Variants in STING1 observed in about 807,000 individuals in gnomAD.
STING1 encodes the protein stimulator of interferon genes protein.
A neutral mutation model predicts 31.6 loss-of-function variants in STING1; 19 were observed. The ratio of observed to expected loss-of-function variants is 0.60; its 90% CI spans 0.42 to 0.88. The LOEUF is 0.88. Among genes scored for constraint, STING1 ranks in the 40% least tolerant of loss-of-function variants. STING1 has a pLI of 0.00. For synonymous variants in STING1, 200 were observed against 208.6 expected (o/e 0.96, Z 0.35); for missense variants, 371 against 483.7 (o/e 0.77, Z 2.19).
intron 5 of STING1, among the ~76,000 whole-genome samples, chr5:139,479,532 T>C (rs1751772501): frequency 6.6e-6 from 1 of 151,174 alleles, no homozygotes; most frequent in African/African-American, 2.4e-5. Flanking sequence ...TGAAACCCCG[T>C]CTGTACTGAA....
At chr5:139,478,565 A>G in intron 5 of STING1, 57 bp from the exon 6 acceptor site, 1 of 1,493,258 alleles carries the variant, frequency 6.7e-7, no homozygotes, top group Admixed American at 1.7e-5. Context: ...CACCTGATTC[A>G]GGAGTGAGAC....
rs767642732 is a variant in STING1, at chr5:139,476,232, T to G, written c.*29A>C. ...CCCAGTCCAGAGGCTTGGAGACCAC[T>G]GGAGGCTCTGGCCTGGTGACCCTGG... On this transcript the variant is annotated 3_prime_UTR_variant, in exon 8 of 8. Transcript: ENST00000330794. The G allele has an allele frequency of 4.6e-5, 71 of 1,538,770 alleles. No individual in the cohort carries two copies. Among genetic ancestry groups the G allele is most frequent in the Non-Finnish European group, 6.2e-5 (70 of 1,137,036 alleles).
Position 139,476,435 on chromosome 5 carries a change from G to T in STING1, c.966C>A (p.Ser322Arg). ...GGAGAACCTCCTGGGACAGCGAGAAGCTGCTGTCATCTGCAGGTTCTGGAA... is the reference window on the plus strand; with the variant it reads ...GGAGAACCTCCTGGGACAGCGAGAATCTGCTGTCATCTGCAGGTTCTGGAA... ...IAYQEPADDS[S>R]FSLSQEVLRH... The change falls in exon 8 of 8, where the codon AGC becomes AGA. Residue 322 changes from serine to arginine, a missense_variant. Ser to Arg is a moderately radical substitution (Grantham distance 110). Coordinates refer to ENST00000330794, the MANE Select transcript of STING1 (RefSeq NM_198282.4). 1 of 1,612,310 alleles carries T rather than the reference G, an allele frequency of 6.2e-7. No individual in the cohort carries two copies. Among genetic ancestry groups the T allele is most frequent in the Non-Finnish European group, 8.5e-7 (1 of 1,179,942 alleles).
chr5:139,478,274 T>C lies in STING1; in HGVS notation c.755A>G (p.Gln252Arg). The C allele has an allele frequency of 1.2e-6, 2 of 1,612,508 alleles. No individual in the cohort carries two copies. The highest frequency in any genetic ancestry group is 2.2e-5 in the East Asian group (1 of 44,846). ...NSIYELLENG[Q>R]RAGTCVLEYA... ...CCCACTCCCCTGCACACTTACCCGC[T>C]GCCCGTTCTCCAGAAGCTCATAGAT... The change falls in exon 6 of 8, where the codon CAG (glutamine) becomes CGG (arginine). Residue 252 changes from glutamine to arginine, a missense_variant. Coordinates refer to ENST00000330794, the MANE Select transcript of STING1 (RefSeq NM_198282.4).
chr5:139,478,464 G>C lies in STING1; in HGVS notation c.565C>G (p.Leu189Val). 1 of 1,614,198 alleles carries C rather than the reference G, an allele frequency of 6.2e-7. No homozygotes were observed. Among genetic ancestry groups the C allele is most frequent in the Non-Finnish European group, 8.5e-7 (1 of 1,180,040 alleles). ...CGCTGGCTCACTGCACCCCGTAGCA[G>C]GTTGTTGTAATGCTGATTGTAAGTT... ...IRTYNQHYNN[L>V]LRGAVSQRLY... Residue 189 changes from leucine (L) to valine (V), a missense_variant, in exon 6 of 8, where the codon CTG (leucine) becomes GTG (valine). Coordinates refer to ENST00000330794, the MANE Select transcript of STING1 (RefSeq NM_198282.4).
chr5:139,477,410 T>C lies in STING1; in HGVS notation c.865A>G (p.Lys289Glu). 1 of 1,614,202 alleles carries C rather than the reference T, an allele frequency of 6.2e-7. No homozygotes were observed. Among genetic ancestry groups the C allele is most frequent in the Non-Finnish European group, 8.5e-7 (1 of 1,180,028 alleles). ...FSREDRLEQA[K>E]LFCRTLEDIL... Reference sequence around the variant, plus strand: ...TCCTCAAGTGTCCGGCAGAAGAGTTTGGCCTGCTCAAGCCTATCCTCCCGG... The same window carrying C: ...TCCTCAAGTGTCCGGCAGAAGAGTTCGGCCTGCTCAAGCCTATCCTCCCGG... The change falls in exon 7 of 8, where the codon AAA (lysine) becomes GAA (glutamate). Residue 289 changes from lysine to glutamate, a missense_variant. Lys to Glu is a moderately conservative substitution (Grantham distance 56, BLOSUM62 1). Transcript: ENST00000330794.
Position 139,476,398 on chromosome 5 carries a change from G to T in STING1, c.1003C>A (p.Gln335Lys), listed in dbSNP as rs1254726825. The change falls in exon 8 of 8, where the codon CAG becomes AAG. Residue 335 changes from glutamine to lysine, a missense_variant. Coordinates refer to ENST00000330794, the MANE Select transcript of STING1 (RefSeq NM_198282.4). ...LSQEVLRHLR[Q>K]EEKEEVTVGS... ...ACAGTAACCTCTTCCTTTTCCTCCT[G>T]CCGCAGGTGCCGGAGAACCTCCTGG... 2 of 1,612,586 alleles carry T rather than the reference G, an allele frequency of 1.2e-6. No individual in the cohort carries two copies. Among genetic ancestry groups the T allele is most frequent in the Admixed American group, 3.3e-5 (2 of 60,022 alleles).
At position 139,480,815 on chromosome 5, in the gene STING1, GATGTAATATGACC is replaced by G; in HGVS notation, c.482_494del (p.Trp161SerfsTer6). 6.2e-7 allele frequency: 1 copy of G among 1,613,644 alleles called. No individual in the cohort carries two copies. Among genetic ancestry groups the G allele is most frequent in the Non-Finnish European group, 8.5e-7 (1 of 1,179,560 alleles). ...CTGGCAGGATCAGCCGCAGATATCCGATGTAATATGACCATGCCAGCCCATGGGCCACGTTGAA... is the reference window on the plus strand; with the variant it reads ...CTGGCAGGATCAGCCGCAGATATCCGATGCCAGCCCATGGGCCACGTTGAA... On this transcript the variant is annotated frameshift_variant, in exon 5 of 8. Transcript: ENST00000330794. LOFTEE classifies it high-confidence loss of function.
rs1751725303 is a variant in STING1 at position 139,478,344 on chromosome 5, T to C, written c.685A>G (p.Thr229Ala). ...TCCTTGATGCCAGCATGGTCACCGG[T>C]CTGCTGGGGCAGTTTATCCAGGAAG... ...IRFLDKLPQQ[T>A]GDHAGIKDRV... The change falls in exon 6 of 8, where the codon ACC (threonine) becomes GCC (alanine). Residue 229 changes from threonine to alanine, a missense_variant. Transcript: ENST00000330794. The C allele has an allele frequency of 1.9e-6, 3 of 1,614,050 alleles. No homozygotes were observed. Among genetic ancestry groups the C allele is most frequent in the African/African-American group, 1.3e-5 (1 of 74,912 alleles).
chr5:139,479,523 G>T (rs1751772126), intron 5 of STING1, among the ~76,000 whole-genome samples: 1 of 151,544 alleles, frequency 6.6e-6, no homozygotes, highest in Non-Finnish European at 1.5e-5. Context: ...CCAACATGGT[G>T]AAACCCCGTC....
At chr5:139,477,548 C>T in intron 6 of STING1, 33 bp from the exon 7 acceptor site, 1 of 1,601,540 alleles carries the variant, frequency 6.2e-7, no homozygotes, top group Non-Finnish European at 8.5e-7. Flanking sequence ...CAGACTAAGC[C>T]AGGGGCCAGG....
chr5:139,479,699 C>G lies in STING1; in HGVS notation c.520+1091G>C, dbSNP rs1241812412. On this transcript the variant is annotated intron_variant, in intron 5 of 7. Transcript: ENST00000330794. ...CCCGGGTGAAAAAGTGAAACTCCAT[C>G]TTAAAAAAAAAAAAAAATCTAAGGC... 4.1e-5 allele frequency among the ~76,000 whole-genome samples: 6 copies of G among 145,130 alleles called. No homozygotes were observed. The South Asian group carries it at 1.3e-3, about 31-fold the overall frequency.
In STING1 at chr5:139,478,435, CA is replaced by C; in HGVS notation, c.593del (p.Leu198ArgfsTer15). The C allele has an allele frequency of 6.2e-7, 1 of 1,614,226 alleles. No homozygotes were observed. Among genetic ancestry groups the C allele is most frequent in the East Asian group, 2.2e-5 (1 of 44,884 alleles). On this transcript the variant is annotated frameshift_variant, in exon 6 of 8. Transcript: ENST00000330794. LOFTEE classifies it high-confidence loss of function. ...CACAGTCCAATGGGAGGAGAATATA[CA>C]GCCGCTGGCTCACTGCACCCCGTAG... ...NLLRGAVSQR[L>X]YILLPLDCGV...
At chr5:139,477,831 C>G (rs940001473) in intron 6 of STING1, among the ~76,000 whole-genome samples, 25 of 152,228 alleles carry the variant, frequency 1.6e-4, no homozygotes, top group Admixed American at 5.2e-4. Context: ...GGGCTAGGCT[C>G]TGGGTTCAAC....
chr5:139,478,451 G>A lies in STING1; in HGVS notation c.578C>T (p.Ala193Val). The A allele has an allele frequency of 6.2e-7, 1 of 1,614,172 alleles. No individual in the cohort carries two copies. Among genetic ancestry groups the A allele is most frequent in the South Asian group, 1.1e-5 (1 of 91,082 alleles). The change falls in exon 6 of 8, where the codon GCA becomes GTA. Residue 193 changes from alanine to valine, a missense_variant. Transcript: ENST00000330794. ...GAGAATATACAGCCGCTGGCTCACTGCACCCCGTAGCAGGTTGTTGTAATG... is the reference window on the plus strand; with the variant it reads ...GAGAATATACAGCCGCTGGCTCACTACACCCCGTAGCAGGTTGTTGTAATG... Reference protein sequence around the residue: ...NQHYNNLLRGAVSQRLYILLP... With the variant: ...NQHYNNLLRGVVSQRLYILLP...
In STING1 at chr5:139,481,440, C is replaced by T. The variant is rs151074578; in HGVS notation, c.227+38G>A. ...GGCTAGGCATCAAGGGAGTGACACA[C>T]GTTGGATACCCCGTCCCTGGGTACT... On this transcript the variant is annotated intron_variant, in intron 3 of 7. Coordinates refer to ENST00000330794, the MANE Select transcript of STING1 (RefSeq NM_198282.4). This position sits in a 1 kb window ranked among gnomAD's most constrained non-coding sequence, Gnocchi z 4.1. The T allele has an allele frequency of 1.2e-4, 192 of 1,602,740 alleles. No individual in the cohort carries two copies. Among genetic ancestry groups the T allele is most frequent in the Non-Finnish European group, 1.5e-4 (170 of 1,172,182 alleles).
In STING1 at chr5:139,477,462, C is replaced by T. The variant is rs1312454509; in HGVS notation, c.813G>A (p.Met271Ile). The change falls in exon 7 of 8, where the codon ATG (methionine) becomes ATA (isoleucine). Residue 271 changes from methionine to isoleucine, a missense_variant. Coordinates refer to ENST00000330794, the MANE Select transcript of STING1 (RefSeq NM_198282.4). ...TAAAGCCAGCTTGACTGTATTGTGA[C>T]ATGGCAAACAAAGTCTGCAAGGGGG... ...YATPLQTLFA[M>I]SQYSQAGFSR... is the part of the protein sequence containing the mutation. 1 of 1,614,086 alleles carries T rather than the reference C, an allele frequency of 6.2e-7. No homozygotes were observed. The highest frequency in any genetic ancestry group is 8.5e-7 in the Non-Finnish European group (1 of 1,180,026).
intron 6 of STING1, 100 bp from the exon 7 acceptor site, chr5:139,477,615 G>T (rs1751702706): frequency 6.6e-6 from 8 of 1,214,242 alleles, no homozygotes; most frequent in Non-Finnish European, 7.0e-6. Context: ...ACGGGCTGAG[G>T]CCCCACTCCC....
Position 139,481,909 on chromosome 5 carries a change from G to C in STING1, c.1-205C>G, listed in dbSNP as rs767095497. 4 of 575,278 alleles carry C rather than the reference G, an allele frequency of 7.0e-6. No individual in the cohort carries two copies. Among genetic ancestry groups the C allele is most frequent in the Non-Finnish European group, 1.2e-5 (4 of 323,038 alleles). The allele number at this position is 575,278 out of a possible 1,614,324, so 35.6% of individuals were successfully genotyped here. ...GTCTCAGCGAGGTTTGCTGAAAACA[G>C]AGCAGGGCCTGCACATACACGCCCC... On this transcript the variant is annotated intron_variant, in intron 2 of 7. Coordinates refer to ENST00000330794, the MANE Select transcript of STING1 (RefSeq NM_198282.4). The surrounding 1 kb of genome is among the most constrained non-coding windows in gnomAD (Gnocchi z 4.1).
Sources: allele counts gnomAD v4.1 joint callset (sites outside exome capture counted in the v4.1 genomes callset), GRCh38; gene constraint gnomAD v4.1.1; non-coding constraint Gnocchi (gnomAD v3.1); transcripts MANE v1.5; gene names NCBI Gene and HGNC (gene_info 2026-07-23, HGNC 2026-07-21).